NAALADL2: variants seen among roughly 807,000 people sequenced by gnomAD.
The protein encoded by NAALADL2 is N-acetylated alpha-linked acidic dipeptidase like 2, also known as inactive N-acetylated-alpha-linked acidic dipeptidase-like protein 2.
A neutral mutation model predicts 87.2 loss-of-function variants in NAALADL2; 76 were observed. The observed-to-expected ratio is 0.87, with a 90% CI of 0.72 to 1.05. NAALADL2 has a LOEUF of 1.05. Among genes scored for constraint, NAALADL2 ranks in the 50% least tolerant of loss-of-function variants. The probability of loss-of-function intolerance (pLI) is 0.00; values close to 1 mark genes in which losing one functional copy is unlikely to be tolerated. For synonymous variants in NAALADL2, 354 were observed against 331.0 expected, an observed-to-expected ratio of 1.07 and a Z score of -0.75; for missense variants, 1,089 against 945.8, an observed-to-expected ratio of 1.15 and a Z score of -1.99.
intron 5 of NAALADL2, among the ~76,000 whole-genome samples, chr3:175,443,976 A>G (rs1720257567): frequency 6.6e-6 from 1 of 152,210 alleles, no homozygotes; most frequent in Non-Finnish European, 1.5e-5. Context: ...GATGCATGAG[A>G]AAAACAAGTG....
intron 5 of NAALADL2, among the ~76,000 whole-genome samples, chr3:175,367,904 A>T (rs1274654218): frequency 1.6e-4 from 25 of 151,914 alleles, no homozygotes; most frequent in Admixed American, 7.9e-4. Context: ...TGAATAGGAG[A>T]GGTGAGAGAG....
chr3:174,776,787 A>G lies in NAALADL2; in HGVS notation c.-9+39041A>G, dbSNP rs1285101681. On this transcript the variant is annotated intron_variant, in intron 3 of 3. Transcript: ENST00000434257. The stretch of plus-strand genomic sequence containing the variant: ...CAGTGTGATAAAATTAAGAAATTCC[A>G]TTGATTCTGTTATGAATAACTTCAT... 2.0e-5 allele frequency among the ~76,000 whole-genome samples: 3 copies of G among 152,124 alleles called. No homozygotes were observed. The South Asian group carries it at 6.2e-4, about 31-fold the overall frequency.
At chr3:175,305,391 A>G (rs1474845230) in intron 4 of NAALADL2, among the ~76,000 whole-genome samples, 2 of 152,100 alleles carry the variant, frequency 1.3e-5, no homozygotes, top group African/African-American at 4.8e-5. Context: ...AATTTGTCCA[A>G]TTCTGAAAGA....
chr3:175,343,256 A>G (rs1762750393), intron 5 of NAALADL2, among the ~76,000 whole-genome samples: 1 of 152,106 alleles, frequency 6.6e-6, no homozygotes, highest in Admixed American at 6.6e-5. Flanking sequence ...ATAGTTATTA[A>G]AACCCTTTGC....
intron 1 of NAALADL2, among the ~76,000 whole-genome samples, chr3:175,080,116 C>A (rs1291751324): frequency 6.6e-6 from 1 of 152,116 alleles, no homozygotes; most frequent in Non-Finnish European, 1.5e-5. Flanking sequence ...CAGGCGCCCG[C>A]CACGGCGCCC....
intron 5 of NAALADL2, among the ~76,000 whole-genome samples, chr3:175,406,998 T>G (rs956696720): frequency 6.6e-5 from 10 of 152,030 alleles, no homozygotes; most frequent in Non-Finnish European, 1.3e-4. Context: ...CTGGCTAACA[T>G]GGTGAAACCC....
At chr3:175,288,145 A>C (rs111238545) in intron 4 of NAALADL2, among the ~76,000 whole-genome samples, 2 of 152,004 alleles carry the variant, frequency 1.3e-5, no homozygotes, top group African/African-American at 4.8e-5. Flanking sequence ...GTAATGGCGC[A>C]ATCTCAGCTC....
chr3:175,675,320 GC>G (rs1334491181), intron 11 of NAALADL2: 2 of 152,094 alleles, frequency 1.3e-5, no homozygotes, highest in East Asian at 1.9e-4. Context: ...CTGAGTTTTT[GC>G]CCCCAAATCT....
In NAALADL2 at chr3:175,346,603, T is replaced by TA. The variant is rs141552196; in HGVS notation, c.1090+22285dup. Among the ~76,000 whole-genome samples the TA allele has an allele frequency of 7.9e-5, 12 of 152,116 alleles. No homozygotes were observed. The East Asian group carries it at 2.3e-3, about 29-fold the overall frequency. ...TATGTTTATTATATACACAGGCAGT[T>TA]AAAAAAATGGTCAAATTGGTTCAAT... On this transcript the variant is annotated intron_variant, in intron 5 of 13. Transcript: ENST00000454872.
At chr3:174,991,410 T>C (rs9817764) in intron 1 of NAALADL2, among the ~76,000 whole-genome samples, 3,383 of 152,208 alleles carry the variant, frequency 0.022, 97 homozygotes, top group African/African-American at 0.064. Flanking sequence ...ATCTCTGTCA[T>C]GTCAAAATTA....
intron 2 of NAALADL2, among the ~76,000 whole-genome samples, chr3:174,553,893 C>T (rs770978680): frequency 1.3e-4 from 20 of 152,134 alleles, no homozygotes; most frequent in Non-Finnish European, 2.1e-4. Flanking sequence ...AAAGGTGCTG[C>T]TTTCAGATGA....
At position 175,746,866 on chromosome 3, in the gene NAALADL2, G is replaced by A. The variant is rs546041529; in HGVS notation, c.1991-8354G>A. Reference sequence around the variant, plus strand: ...CTGACTACATAACCATATTAAATTGGTTCCAGGAACTCTCTCAAATGCCAA... The same window carrying A: ...CTGACTACATAACCATATTAAATTGATTCCAGGAACTCTCTCAAATGCCAA... On this transcript the variant is annotated intron_variant, in intron 12 of 13. Transcript: ENST00000454872. Among the ~76,000 whole-genome samples, 427 of 152,182 alleles carry A rather than the reference G, an allele frequency of 2.8e-3. 1 individual carries two copies. The highest frequency in any genetic ancestry group is 9.6e-3 in the African/African-American group (400 of 41,504).
intron 2 of NAALADL2, among the ~76,000 whole-genome samples, chr3:174,611,666 G>C (rs1037960438): frequency 4.0e-5 from 6 of 151,546 alleles, no homozygotes; most frequent in Non-Finnish European, 8.8e-5. Context: ...ATCTCGGCTC[G>C]CTGCAACCTC....
chr3:174,986,788 A>C (rs1279228618), intron 1 of NAALADL2, among the ~76,000 whole-genome samples: 1 of 152,174 alleles, frequency 6.6e-6, no homozygotes, highest in Non-Finnish European at 1.5e-5. Context: ...TGGTGTTAGA[A>C]TTACTTTTGA....
chr3:175,426,368 A>G (rs1440216433), intron 5 of NAALADL2, among the ~76,000 whole-genome samples: 1 of 152,176 alleles, frequency 6.6e-6, no homozygotes, highest in Non-Finnish European at 1.5e-5. Context: ...ATCTCAAAAC[A>G]AAACAAAGCA....
chr3:174,983,161 T>G (rs1745357884), intron 1 of NAALADL2, among the ~76,000 whole-genome samples: 1 of 152,164 alleles, frequency 6.6e-6, no homozygotes, highest in Admixed American at 6.5e-5. Flanking sequence ...GGGTCACATA[T>G]GAAATTACAA....
intron 4 of NAALADL2, among the ~76,000 whole-genome samples, chr3:175,320,799 C>A (rs1174555919): frequency 2.0e-5 from 3 of 151,834 alleles, no homozygotes; most frequent in African/African-American, 7.3e-5. Context: ...GAAGTTGAAT[C>A]TCTGAATAGA....
At chr3:175,360,668 T>G (rs2148906297) in intron 5 of NAALADL2, among the ~76,000 whole-genome samples, 1 of 152,160 alleles carries the variant, frequency 6.6e-6, no homozygotes, top group Non-Finnish European at 1.5e-5. Context: ...CATAATTTTC[T>G]AAGGTTTTTT....
intron 9 of NAALADL2, among the ~76,000 whole-genome samples, chr3:175,498,512 T>A (rs2149361986): frequency 6.6e-6 from 1 of 152,168 alleles, no homozygotes; most frequent in African/African-American, 2.4e-5. Flanking sequence ...AATAATATTT[T>A]GCCTGGAAAT....
Sources: gnomAD v4.1 joint callset for allele counts (sites outside exome capture counted in the v4.1 genomes callset) on GRCh38, gnomAD v4.1.1 for gene constraint, MANE v1.5 for transcripts, NCBI Gene and HGNC (gene_info 2026-07-23, HGNC 2026-07-21) for gene names.